S100A10: variants seen among roughly 807,000 people sequenced by gnomAD.
The protein encoded by S100A10 is S100 calcium binding protein A10, also known as protein S100-A10.
A neutral mutation model predicts 7.1 loss-of-function variants in S100A10; 3 were observed. The observed-to-expected ratio is 0.42, with a 90% CI of 0.19 to 1.10. The LOEUF (loss-of-function observed/expected upper bound fraction) is 1.10. S100A10 is among the 50% of genes least tolerant of loss of function. The pLI is 0.29. For missense variants in S100A10, 101 were observed against 118.1 expected (o/e 0.86, Z 0.67); for synonymous variants, 41 against 39.3 (o/e 1.04, Z -0.16).
Position 151,990,586 on chromosome 1 carries a change from T to A in S100A10, c.-22+3166A>T, listed in dbSNP as rs150525472. 1.3e-3 allele frequency among the ~76,000 whole-genome samples: 201 copies of A among 152,284 alleles called. 4 individuals carry two copies. The East Asian group carries it at 0.027, about 20-fold the overall frequency. ...TCTGGACTCCACAAATTTAGTTACC[T>A]TAGGAGGAATTCAATTTTCCATTTT... On this transcript the variant is annotated intron_variant, in intron 1 of 2. Transcript: ENST00000368811.
intron 1 of S100A10, among the ~76,000 whole-genome samples, chr1:151,987,642 G>C (rs1270792711): frequency 6.6e-6 from 1 of 150,724 alleles, no homozygotes; most frequent in Non-Finnish European, 1.5e-5. Context: ...TGGATTCACG[G>C]CATTCTCCTG....
At chr1:151,989,680 A>G (rs1364797816) in intron 1 of S100A10, among the ~76,000 whole-genome samples, 1 of 152,234 alleles carries the variant, frequency 6.6e-6, no homozygotes, top group Non-Finnish European at 1.5e-5. Flanking sequence ...TGCCCAACTG[A>G]GTCAGCCCTG....
chr1:151,989,864 A>AT (rs1655870117), intron 1 of S100A10, among the ~76,000 whole-genome samples: 1 of 152,164 alleles, frequency 6.6e-6, no homozygotes, highest in Admixed American at 6.5e-5. Context: ...GGTTAGACAC[A>AT]TTTTGACAGG....
chr1:151,988,741 C>T (rs1655847535), intron 1 of S100A10, among the ~76,000 whole-genome samples: 1 of 152,188 alleles, frequency 6.6e-6, no homozygotes, highest in Non-Finnish European at 1.5e-5. Context: ...AGATCTGGCT[C>T]ATCCCCCATC....
intron 1 of S100A10, among the ~76,000 whole-genome samples, chr1:151,989,855 G>A (rs541309651): frequency 6.6e-6 from 1 of 152,224 alleles, no homozygotes. Context: ...CTGCATCCTG[G>A]TTAGACACAT....
intron 1 of S100A10, among the ~76,000 whole-genome samples, chr1:151,990,284 G>A (rs1052301773): frequency 6.6e-6 from 1 of 152,226 alleles, no homozygotes; most frequent in Admixed American, 6.5e-5. Context: ...CTGCTAAACA[G>A]GTCTAGTCAG....
rs1655783013 is a variant in S100A10, at chr1:151,986,140, G to A, written c.91C>T (p.Leu31=). 1 of 1,609,618 alleles carries A rather than the reference G, an allele frequency of 6.2e-7. No homozygotes were observed. The highest frequency in any genetic ancestry group is 8.5e-7 in the Non-Finnish European group (1 of 1,178,718). Reference sequence around the variant, plus strand: ...AACTCCTTTTCCATGAGTACTCTCAGGTCCTCCTTTGTTAAGTAGCCTTTA... The same window carrying A: ...AACTCCTTTTCCATGAGTACTCTCAAGTCCTCCTTTGTTAAGTAGCCTTTA... The part of the protein sequence containing the change: ...GDKGYLTKED[L]RVLMEKEFPG... Residue 31 remains leucine (L), a synonymous_variant, in exon 2 of 3, where the codon CTG becomes TTG. Coordinates refer to ENST00000368811, the MANE Select transcript of S100A10 (RefSeq NM_002966.3).
chr1:151,987,025 CTCTTTTTT>C (rs1281787822), intron 1 of S100A10, among the ~76,000 whole-genome samples: 11 of 97,092 alleles, frequency 1.1e-4, no homozygotes, highest in African/African-American at 3.9e-4. Context: ...ATCAGTGTTC[CTCTTTTTT>C]TTTTTTTTTT....
At chr1:151,984,551 A>C (rs557279970) in intron 2 of S100A10, among the ~76,000 whole-genome samples, 4 of 152,140 alleles carry the variant, frequency 2.6e-5, no homozygotes, top group Non-Finnish European at 5.9e-5. Context: ...GGAATAAATT[A>C]CCCTGCCATG....
chr1:151,991,983 GA>G (rs1655914741), intron 1 of S100A10, among the ~76,000 whole-genome samples: 1 of 152,108 alleles, frequency 6.6e-6, no homozygotes, highest in African/African-American at 2.4e-5. Context: ...ATGCCCAGTA[GA>G]CCAAAAAAAT....
intron 1 of S100A10, chr1:151,992,464 C>T (rs1346689008): frequency 6.6e-6 from 1 of 152,226 alleles, no homozygotes; most frequent in Non-Finnish European, 1.5e-5. Context: ...CTGCCCTCAC[C>T]GGCAGTTCAG....
In S100A10 at chr1:151,993,499, C is replaced by A. The variant is rs1050123429; in HGVS notation, c.-22+253G>T. 2.0e-5 allele frequency among the ~76,000 whole-genome samples: 3 copies of A among 152,202 alleles called. No homozygotes were observed. The highest frequency in any genetic ancestry group is 1.3e-4 in the Admixed American group (2 of 15,292). On this transcript the variant is annotated intron_variant, in intron 1 of 2. Transcript: ENST00000368811. This position sits in a 1 kb window ranked among gnomAD's most constrained non-coding sequence, Gnocchi z 5.1. ...AGGCGCACCAATACCACGGTCCCCT[C>A]CTAAAGAACAAGTGCCCCCTCCTCT...
intron 2 of S100A10, chr1:151,983,969 G>A (rs1002529680): frequency 1.3e-5 from 2 of 152,192 alleles, no homozygotes; most frequent in African/African-American, 4.8e-5. Flanking sequence ...AGTTTCAAAA[G>A]GAGTATGTGG....
intron 1 of S100A10, among the ~76,000 whole-genome samples, chr1:151,987,688 C>T (rs899266394): frequency 2.0e-5 from 3 of 151,526 alleles, no homozygotes; most frequent in East Asian, 2.0e-4. Flanking sequence ...TACAGGTGCC[C>T]GCCACCGCGC....
chr1:151,983,895 T>C (rs2338018), intron 2 of S100A10, among the ~76,000 whole-genome samples: 139,161 of 152,218 alleles, frequency 0.91, 63,622 homozygotes, highest in East Asian at 0.95. Flanking sequence ...TAGAATCCTT[T>C]CATTCTTTGA....
intron 1 of S100A10, among the ~76,000 whole-genome samples, chr1:151,990,448 A>G (rs1009207452): frequency 3.3e-5 from 5 of 152,246 alleles, no homozygotes; most frequent in Admixed American, 1.3e-4. Flanking sequence ...CTTTTATTGA[A>G]GTATTCTAAT....
chr1:151,993,517 C>T lies in S100A10; in HGVS notation c.-22+235G>A, dbSNP rs1423596708. 6.6e-6 allele frequency among the ~76,000 whole-genome samples: 1 copy of T among 152,206 alleles called. No homozygotes were observed. The highest frequency in any genetic ancestry group is 1.5e-5 in the Non-Finnish European group (1 of 68,030). On this transcript the variant is annotated intron_variant, in intron 1 of 2. Coordinates refer to ENST00000368811, the MANE Select transcript of S100A10 (RefSeq NM_002966.3). The surrounding 1 kb of genome is among the most constrained non-coding windows in gnomAD (Gnocchi z 5.1). ...GTCCCCTCCTAAAGAACAAGTGCCC[C>T]CTCCTCTGGTCCGCGTGGGTCTGGG... is the stretch of plus-strand genomic sequence containing the variant.
In S100A10 at chr1:151,985,179, C is replaced by T. The variant is rs1259326361; in HGVS notation, c.132+920G>A. The T allele has an allele frequency of 2.0e-5, 3 of 152,564 alleles. No individual in the cohort carries two copies. The East Asian group carries it at 5.8e-4, about 29-fold the overall frequency. 9.5% of individuals were successfully genotyped at this position (152,564 alleles called of 1,614,324 possible). ...AACGTTTTACCGTATCTCCTCTCAC[C>T]CTTTACAGGTTAATGCATTATTCAA... On this transcript the variant is annotated intron_variant, in intron 2 of 2. Coordinates refer to ENST00000368811, the MANE Select transcript of S100A10 (RefSeq NM_002966.3).
chr1:151,984,223 G>A (rs1187144616), intron 2 of S100A10: 7 of 152,214 alleles, frequency 4.6e-5, no homozygotes, highest in Admixed American at 4.6e-4. Flanking sequence ...AACTATTTAT[G>A]AATTCTGATG....
Sources: gnomAD v4.1 joint callset for allele counts (sites outside exome capture counted in the v4.1 genomes callset) on GRCh38, gnomAD v4.1.1 for gene constraint, Gnocchi (gnomAD v3.1) non-coding constraint, MANE v1.5 for transcripts, NCBI Gene and HGNC (gene_info 2026-07-23, HGNC 2026-07-21) for gene names.